CDH19: variants seen among roughly 807,000 people sequenced by gnomAD.
CDH19 encodes cadherin 19, also known as cadherin-19.
Under a neutral mutation model 64.2 loss-of-function variants are expected in CDH19, and 67 were observed. That is an observed-to-expected ratio of 1.04 (90% CI 0.86 to 1.28). The LOEUF (loss-of-function observed/expected upper bound fraction) is 1.28, where lower values mean the gene tolerates loss of function less well. CDH19 is among the 50% of genes most tolerant of loss of function. The pLI is 0.00. For missense variants in CDH19, 1,030 were observed against 929.0 expected (o/e 1.11, Z -1.41); for synonymous variants, 346 against 319.3 (o/e 1.08, Z -0.89).
At position 66,504,760 on chromosome 18, in the gene CDH19, A is replaced by G. The variant is rs1434691747; in HGVS notation, c.*52T>C. 1 of 1,528,846 alleles carries G rather than the reference A, an allele frequency of 6.5e-7. No individual in the cohort carries two copies. The highest frequency in any genetic ancestry group is 2.0e-5 in the Admixed American group (1 of 50,512). The allele number at this position is 1,528,846 out of a possible 1,614,324, so 94.7% of individuals were successfully genotyped here. ...GGGCACAAAACTCTTTAAGACTACC[A>G]TTGGGTTCGAATACACATTAGCACT... is the stretch of plus-strand genomic sequence containing the variant. On this transcript the variant is annotated 3_prime_UTR_variant, in exon 12 of 12. Coordinates refer to ENST00000262150, the MANE Select transcript of CDH19 (RefSeq NM_021153.4).
intron 4 of CDH19, among the ~76,000 whole-genome samples, chr18:66,552,185 C>T (rs1219679941): frequency 6.6e-6 from 1 of 151,848 alleles, no homozygotes; most frequent in Admixed American, 6.6e-5. Context: ...ATGTAATAAA[C>T]TTGCACATTT....
rs1379489548 is a variant in CDH19 at position 66,569,508 on chromosome 18, C to A, written c.196-798G>T. 2.0e-5 allele frequency among the ~76,000 whole-genome samples: 3 copies of A among 151,752 alleles called. No homozygotes were observed. The East Asian group carries it at 5.8e-4, about 29-fold the overall frequency. Reference sequence around the variant, plus strand: ...TGGGTTTTAGCCATAAAGTATAAAACTTTCTTCTCAATATATTCTACCTAA... The same window carrying A: ...TGGGTTTTAGCCATAAAGTATAAAAATTTCTTCTCAATATATTCTACCTAA... On this transcript the variant is annotated intron_variant, in intron 2 of 11. Transcript: ENST00000262150.
chr18:66,513,462 A>G (rs1985589284), intron 9 of CDH19, among the ~76,000 whole-genome samples: 1 of 151,470 alleles, frequency 6.6e-6, no homozygotes, highest in Non-Finnish European at 1.5e-5. Flanking sequence ...GAAGACACAG[A>G]CATAAAATGA....
At chr18:66,570,700 T>C (rs544896263) in intron 2 of CDH19, among the ~76,000 whole-genome samples, 128 of 151,706 alleles carry the variant, frequency 8.4e-4, no homozygotes, top group Non-Finnish European at 3.5e-4. Context: ...TTTTTCAGAG[T>C]AGTTTCATAA....
rs1444813749 is a variant in CDH19 at position 66,505,107 on chromosome 18, C to A, written c.2024G>T (p.Ser675Ile). 6.2e-7 allele frequency: 1 copy of A among 1,613,556 alleles called. No homozygotes were observed. Among genetic ancestry groups the A allele is most frequent in the Non-Finnish European group, 8.5e-7 (1 of 1,179,714 alleles). ...CCTGTATAGGCTCCTGATCTCAGCG[C>A]TTGTGGTTTTCCGAGTCTTGCGTTC... ...MRERKTRKTT[S>I]AEIRSLYRQS... The change falls in exon 12 of 12, where the codon AGC (serine) becomes ATC (isoleucine). Residue 675 changes from serine to isoleucine, a missense_variant. Transcript: ENST00000262150.
chr18:66,519,859 A>C (rs1280325129), intron 9 of CDH19, among the ~76,000 whole-genome samples: 1 of 152,164 alleles, frequency 6.6e-6, no homozygotes, highest in Non-Finnish European at 1.5e-5. Flanking sequence ...GCACTCAGCT[A>C]TCATTGGAAA....
chr18:66,598,405 A>G lies in CDH19; in HGVS notation c.-113+5549T>C, dbSNP rs570684500. Among the ~76,000 whole-genome samples, 32 of 152,258 alleles carry G rather than the reference A, an allele frequency of 2.1e-4. No homozygotes were observed. The South Asian group carries it at 6.6e-3, about 32-fold the overall frequency. ...TATGCACAAATATGTTCATCACAGC[A>G]CTTTTCACAATAGGAAAGACATGGA... On this transcript the variant is annotated intron_variant, in intron 1 of 11. Coordinates refer to ENST00000262150, the MANE Select transcript of CDH19 (RefSeq NM_021153.4).
intron 1 of CDH19, among the ~76,000 whole-genome samples, chr18:66,594,588 AAT>A (rs2144635236): frequency 6.6e-6 from 1 of 152,180 alleles, no homozygotes; most frequent in South Asian, 2.1e-4. Context: ...GTGCAATAAC[AAT>A]AAAAATAAAT....
Position 66,529,955 on chromosome 18 carries a change from G to A in CDH19, c.1348C>T (p.Gln450Ter). Residue 450 changes from glutamine (Q) to a stop codon, truncating the protein, a stop_gained, in exon 9 of 12, where the codon CAG becomes TAG. Coordinates refer to ENST00000262150, the MANE Select transcript of CDH19 (RefSeq NM_021153.4). LOFTEE classifies it high-confidence loss of function. ...ITATEKYNIE[Q>*]ISSIPLYVQV... ...ACATACAGTGGGATCGAAGAGATCT[G>A]TTCTATATTGTCTGCAATTTGAATA... The A allele has an allele frequency of 6.7e-7, 1 of 1,500,532 alleles. No individual in the cohort carries two copies. Among genetic ancestry groups the A allele is most frequent in the Non-Finnish European group, 9.1e-7 (1 of 1,104,316 alleles). The allele number at this position is 1,500,532 out of a possible 1,614,324, so 93.0% of individuals were successfully genotyped here.
At chr18:66,557,299 A>G (rs1332212925) in intron 3 of CDH19, among the ~76,000 whole-genome samples, 1 of 151,954 alleles carries the variant, frequency 6.6e-6, no homozygotes, top group Admixed American at 6.6e-5. Flanking sequence ...ATAGAAAGCA[A>G]AGAGGTAGTG....
chr18:66,507,036 C>A (rs1395055387), intron 11 of CDH19, among the ~76,000 whole-genome samples: 2 of 151,836 alleles, frequency 1.3e-5, no homozygotes, highest in African/African-American at 2.4e-5. Flanking sequence ...ACCCGTAACT[C>A]CCACCTGCTA....
In CDH19 at chr18:66,534,894, A is replaced by C. The variant is rs556184510; in HGVS notation, c.1336+92T>G. On this transcript the variant is annotated intron_variant, in intron 8 of 11. Coordinates refer to ENST00000262150, the MANE Select transcript of CDH19 (RefSeq NM_021153.4). The stretch of plus-strand genomic sequence containing the variant: ...ATGTCATTTAAATAATTCCAACAAC[A>C]TTTTAAAGTAGCCTTGTCCCCATGT... 59 of 823,540 alleles carry C rather than the reference A, an allele frequency of 7.2e-5. 3 individuals are homozygous for C. In the South Asian group the frequency reaches 1.4e-3, roughly 19 times the overall value. The allele number at this position is 823,540 out of a possible 1,614,324, so 51.0% of individuals were successfully genotyped here.
chr18:66,538,681 T>A, intron 7 of CDH19, among the ~76,000 whole-genome samples: 1 of 152,148 alleles, frequency 6.6e-6, no homozygotes, highest in East Asian at 1.9e-4. Context: ...AAACGATAAA[T>A]TAACTCTATT....
At chr18:66,591,492 C>T (rs919535585) in intron 1 of CDH19, among the ~76,000 whole-genome samples, 14 of 151,658 alleles carry the variant, frequency 9.2e-5, no homozygotes, top group African/African-American at 2.4e-4. Context: ...GTGTATACAC[C>T]GAAGATTAGT....
chr18:66,555,622 A>T (rs2144526885), intron 3 of CDH19, among the ~76,000 whole-genome samples: 1 of 151,932 alleles, frequency 6.6e-6, no homozygotes, highest in Admixed American at 6.6e-5. Flanking sequence ...AAAATGAATC[A>T]GGAAAACTTT....
chr18:66,545,749 G>C (rs954224204), intron 5 of CDH19, among the ~76,000 whole-genome samples: 16 of 152,086 alleles, frequency 1.1e-4, no homozygotes, highest in African/African-American at 3.1e-4. Flanking sequence ...TTCCAAGAAC[G>C]ATAGTTTGAT....
At chr18:66,547,720 T>G (rs567560464) in intron 5 of CDH19, among the ~76,000 whole-genome samples, 1 of 126,160 alleles carries the variant, frequency 7.9e-6, no homozygotes, top group Admixed American at 9.8e-5. Flanking sequence ...CAGGCTGGAG[T>G]GCAGTGGCGG....
chr18:66,587,698 G>A (rs1988617882), intron 1 of CDH19, among the ~76,000 whole-genome samples: 1 of 152,082 alleles, frequency 6.6e-6, no homozygotes, highest in African/African-American at 2.4e-5. Flanking sequence ...ATCAGTAGTT[G>A]AAGGATGGTG....
At chr18:66,511,465 T>A in intron 10 of CDH19, 103 bp downstream of exon 10, 1 of 587,146 alleles carries the variant, frequency 1.7e-6, no homozygotes, top group Non-Finnish European at 3.1e-6. Flanking sequence ...CCAAACATTA[T>A]TATGTTGCAA....
Sources: allele counts gnomAD v4.1 joint callset (sites outside exome capture counted in the v4.1 genomes callset), GRCh38; gene constraint gnomAD v4.1.1; transcripts MANE v1.5; gene names NCBI Gene and HGNC (gene_info 2026-07-23, HGNC 2026-07-21).